The following KIF9 variants were observed in gnomAD, a reference collection of about 807,000 sequenced individuals.
KIF9 encodes the protein kinesin family member 9, also known as kinesin-like protein KIF9.
In KIF9, 68 loss-of-function variants were observed where a neutral mutation model predicts 94.8. That is an observed-to-expected ratio of 0.72 (90% CI 0.59 to 0.88). The LOEUF (loss-of-function observed/expected upper bound fraction) is 0.88, where lower values mean the gene tolerates loss of function less well. KIF9 is among the 40% of genes least tolerant of loss of function. KIF9 has a pLI of 0.00. For synonymous variants in KIF9, 343 were observed against 362.1 expected (o/e 0.95, Z 0.60); for missense variants, 882 against 982.5 (o/e 0.90, Z 1.37).
intron 12 of KIF9, 123 bp from the exon 13 acceptor site, chr3:47,246,375 G>C (rs1302108537): frequency 2.9e-5 from 18 of 610,396 alleles, no homozygotes; most frequent in Non-Finnish European, 4.3e-5. Flanking sequence ...CTCGAGAAGA[G>C]GACGTGTGCA....
chr3:47,267,079 T>C lies in KIF9; in HGVS notation c.676-11A>G, dbSNP rs1337225950. 1 of 1,612,506 alleles carries C rather than the reference T, an allele frequency of 6.2e-7. No individual in the cohort carries two copies. The highest frequency in any genetic ancestry group is 1.1e-5 in the South Asian group (1 of 91,052). ...GGTCCGGGAATGGGCCTACAAAACA[T>C]CCAAGCAGAAGTTAGACTGTCACAG... On this transcript the variant is annotated splice_polypyrimidine_tract_variant and intron_variant, in intron 6 of 20. Transcript: ENST00000684063.
intron 9 of KIF9, among the ~76,000 whole-genome samples, chr3:47,258,407 G>A (rs1345113466): frequency 6.6e-6 from 1 of 152,122 alleles, no homozygotes; most frequent in Non-Finnish European, 1.5e-5. Flanking sequence ...CACTGAACCT[G>A]GCCCCAAAAT....
chr3:47,239,131 C>T (rs1049209316), intron 17 of KIF9, among the ~76,000 whole-genome samples: 2 of 152,040 alleles, frequency 1.3e-5, no homozygotes, highest in East Asian at 1.9e-4. Flanking sequence ...ACCCAGGAGG[C>T]GGAGATTGCA....
Position 47,275,483 on chromosome 3 carries a change from T to C in KIF9, c.101A>G (p.Asp34Gly). The C allele has an allele frequency of 6.2e-7, 1 of 1,602,840 alleles. No homozygotes were observed. The highest frequency in any genetic ancestry group is 1.1e-5 in the South Asian group (1 of 88,502). The change falls in exon 3 of 21, where the codon GAT (aspartate) becomes GGT (glycine). Residue 34 changes from aspartate to glycine, a missense_variant. By Grantham distance (94) the Asp-to-Gly change is moderately conservative. Coordinates refer to ENST00000684063, the MANE Select transcript of KIF9 (RefSeq NM_182902.4). ...CCGAATGTCTTTTTTTAAGTGAATA[T>C]CAATGCTCTAGGAAAAAAGAGTGAG... ...IRYGDDKRSI[D>G]IHLKKDIRRG...
intron 10 of KIF9, among the ~76,000 whole-genome samples, chr3:47,253,457 G>A (rs1355612755): frequency 7.4e-6 from 1 of 135,712 alleles, no homozygotes. Context: ...ACCCGGCCCA[G>A]TGATTTTTTT....
intron 16 of KIF9, among the ~76,000 whole-genome samples, chr3:47,241,797 ATG>A (rs575762748): frequency 1.2e-5 from 1 of 81,772 alleles, no homozygotes; most frequent in Non-Finnish European, 2.6e-5. Context: ...ACGTGTATAT[ATG>A]TATATATGTA....
rs374756570 is a variant in KIF9, at chr3:47,244,703, A to AG, written c.1514+87dup. 263 of 1,496,406 alleles carry AG rather than the reference A, an allele frequency of 1.8e-4. 2 individuals carry two copies. In the South Asian group the frequency reaches 3.0e-3, roughly 17 times the overall value. The allele number at this position is 1,496,406 out of a possible 1,614,324, so 92.7% of individuals were successfully genotyped here. On this transcript the variant is annotated intron_variant, in intron 15 of 20. Transcript: ENST00000684063. ...GTGCCAACCCAGTAGCTGAGACACC[A>AG]GGGGGAAAGTGGGAACAGTGCACAT... is the stretch of plus-strand genomic sequence containing the variant.
chr3:47,250,533 G>A, intron 10 of KIF9: 1 of 465,074 alleles, frequency 2.2e-6, no homozygotes, highest in Non-Finnish European at 4.4e-6. Flanking sequence ...GATCAGACGG[G>A]TAATGTGCCA....
In KIF9 at chr3:47,240,816, G is replaced by GA. The variant is rs1559426282; in HGVS notation, c.1908_1909insT (p.Leu637SerfsTer18). On this transcript the variant is annotated frameshift_variant, in exon 17 of 21. Coordinates refer to ENST00000684063, the MANE Select transcript of KIF9 (RefSeq NM_182902.4). LOFTEE classifies it high-confidence loss of function. ...ACACATTTACCTTGCTTCTCCCGTA[G>GA]TGACTTCTGGAAATTCAGGGCCTCC... 6.2e-7 allele frequency: 1 copy of GA among 1,613,910 alleles called. No individual in the cohort carries two copies. The highest frequency in any genetic ancestry group is 2.2e-5 in the East Asian group (1 of 44,886).
At chr3:47,276,337 C>T (rs956031899) in intron 2 of KIF9, among the ~76,000 whole-genome samples, 51 of 152,126 alleles carry the variant, frequency 3.4e-4, no homozygotes, top group African/African-American at 1.0e-3. Flanking sequence ...AGGTAGATCA[C>T]CTGAGGTCAG....
At chr3:47,278,902 G>A (rs1347316006) in intron 1 of KIF9, among the ~76,000 whole-genome samples, 3 of 152,116 alleles carry the variant, frequency 2.0e-5, no homozygotes, top group South Asian at 2.1e-4. Flanking sequence ...AATCTGGGAC[G>A]TGGAGGGTGC....
intron 1 of KIF9, among the ~76,000 whole-genome samples, chr3:47,281,731 G>C (rs1702373997): frequency 6.6e-6 from 1 of 152,202 alleles, no homozygotes; most frequent in African/African-American, 2.4e-5. Flanking sequence ...AACAAAGCAA[G>C]TCTCTGAATG....
In KIF9 at chr3:47,282,627, C is replaced by G; in HGVS notation, c.-138G>C. On this transcript the variant is annotated 5_prime_UTR_variant, in exon 1 of 21. Coordinates refer to ENST00000684063, the MANE Select transcript of KIF9 (RefSeq NM_182902.4). ...TCGCTTCCGGGGATTCCGGAAGTGTCGGGGTGGCGGAAATGAAGTCCGAGG... is the reference window on the plus strand; with the variant it reads ...TCGCTTCCGGGGATTCCGGAAGTGTGGGGGTGGCGGAAATGAAGTCCGAGG... 1 of 1,137,740 alleles carries G rather than the reference C, an allele frequency of 8.8e-7. No individual in the cohort carries two copies. 70.5% of individuals were successfully genotyped at this position (1,137,740 alleles called of 1,614,324 possible).
chr3:47,228,476 T>C lies in KIF9; in HGVS notation c.*176A>G. 1.5e-6 allele frequency: 1 copy of C among 671,404 alleles called. No homozygotes were observed. The highest frequency in any genetic ancestry group is 1.8e-5 in the South Asian group (1 of 57,106). The allele number at this position is 671,404 out of a possible 1,614,324, so 41.6% of individuals were successfully genotyped here. On this transcript the variant is annotated 3_prime_UTR_variant, in exon 21 of 21. Coordinates refer to ENST00000684063, the MANE Select transcript of KIF9 (RefSeq NM_182902.4). ...TAAAACCCAAAGTGCTCTGTGGAGA[T>C]GAGCAAGGTTGTCCTTGGAGGATGC...
At chr3:47,271,198 G>A in intron 5 of KIF9, 39 bp downstream of exon 5, 1 of 1,380,460 alleles carries the variant, frequency 7.2e-7, no homozygotes, top group Non-Finnish European at 1.0e-6. Flanking sequence ...TGGCAGGGAG[G>A]GAGAGAAGGA....
chr3:47,277,687 T>G (rs370953267), intron 1 of KIF9, among the ~76,000 whole-genome samples: 1 of 152,250 alleles, frequency 6.6e-6, no homozygotes, highest in African/African-American at 2.4e-5. Context: ...ATGTCATTTC[T>G]AGAAATGTTC....
intron 20 of KIF9, among the ~76,000 whole-genome samples, chr3:47,234,358 C>T (rs936744225): frequency 2.0e-5 from 3 of 151,570 alleles, no homozygotes; most frequent in Middle Eastern, 3.4e-3. Flanking sequence ...CTCAGCCTCC[C>T]GAGTGGCTGG....
At chr3:47,277,443 GTCAT>G (rs1702054518) in intron 1 of KIF9, 64 bp from the exon 2 acceptor site, 2 of 1,070,284 alleles carry the variant, frequency 1.9e-6, no homozygotes, top group Non-Finnish European at 2.9e-6. Flanking sequence ...GAGGAGAGGG[GTCAT>G]TCATTAAGAA....
At chr3:47,277,101 T>TTTATTA in intron 2 of KIF9, 181 bp downstream of exon 2, 1 of 412,678 alleles carries the variant, frequency 2.4e-6, no homozygotes, top group Non-Finnish European at 4.3e-6. Flanking sequence ...ACGATGGGAT[T>TTTATTA]TTATTAATTT....
Sources: gnomAD v4.1 joint callset for allele counts (sites outside exome capture counted in the v4.1 genomes callset) on GRCh38, gnomAD v4.1.1 for gene constraint, MANE v1.5 for transcripts, NCBI Gene and HGNC (gene_info 2026-07-23, HGNC 2026-07-21) for gene names.